The following TNN variants were observed in gnomAD, a reference collection of about 807,000 sequenced individuals.
TNN encodes the protein tenascin-N.
In TNN, 122 loss-of-function variants were observed where a neutral mutation model predicts 134.4. That is an observed-to-expected ratio of 0.91 (90% CI 0.78 to 1.06). TNN has a LOEUF of 1.06. TNN is among the 50% of genes least tolerant of loss of function. The pLI, the probability that TNN is intolerant of heterozygous loss-of-function variation, is 0.00. For synonymous variants in TNN, 710 were observed against 670.3 expected (o/e 1.06, Z -0.91); for missense variants, 1,739 against 1,699.4 (o/e 1.02, Z -0.41).
At chr1:175,075,546 A>T (rs2213852) in intron 1 of TNN, among the ~76,000 whole-genome samples, 87,743 of 152,166 alleles carry the variant, frequency 0.58, 26,617 homozygotes, top group African/African-American at 0.79. Flanking sequence ...TCCTCCTGCC[A>T]TGGCCTCCCA....
At chr1:175,068,414 A>T (rs976063763) in intron 1 of TNN, among the ~76,000 whole-genome samples, 1 of 152,196 alleles carries the variant, frequency 6.6e-6, no homozygotes, top group Non-Finnish European at 1.5e-5. Flanking sequence ...GGAAGCTATG[A>T]TAACTTTCCC....
At chr1:175,124,669 C>T (rs934812149) in intron 12 of TNN, among the ~76,000 whole-genome samples, 1 of 143,196 alleles carries the variant, frequency 7.0e-6, no homozygotes, top group Admixed American at 7.3e-5. Flanking sequence ...CAACAAAGAG[C>T]GAGACTCCAT....
At chr1:175,095,736 G>A (rs2149432178) in intron 7 of TNN, among the ~76,000 whole-genome samples, 1 of 152,278 alleles carries the variant, frequency 6.6e-6, no homozygotes, top group South Asian at 2.1e-4. Context: ...ACCACGCCCA[G>A]CTAATTTTTG....
chr1:175,113,357 C>T (rs1186696336), intron 9 of TNN, among the ~76,000 whole-genome samples: 2 of 152,100 alleles, frequency 1.3e-5, no homozygotes, highest in Admixed American at 6.5e-5. Flanking sequence ...TTTTTCCACC[C>T]CTTTCAGATC....
chr1:175,121,450 T>C (rs951962759), intron 11 of TNN, among the ~76,000 whole-genome samples: 14 of 152,226 alleles, frequency 9.2e-5, no homozygotes, highest in South Asian at 6.2e-4. Context: ...GCCAGGACCA[T>C]GTGGTACTTA....
intron 7 of TNN, among the ~76,000 whole-genome samples, chr1:175,096,310 G>A (rs917919790): frequency 3.3e-5 from 5 of 152,228 alleles, no homozygotes; most frequent in Admixed American, 6.5e-5. Flanking sequence ...ATCTCAAGGG[G>A]TTTTAATGGA....
At chr1:175,083,319 C>T (rs977778109) in intron 4 of TNN, among the ~76,000 whole-genome samples, 7 of 152,188 alleles carry the variant, frequency 4.6e-5, no homozygotes, top group Admixed American at 3.3e-4. Flanking sequence ...CTCCACTTTC[C>T]GTGGAAGTGC....
chr1:175,068,406 A>G (rs188706852), intron 1 of TNN, among the ~76,000 whole-genome samples: 3 of 152,264 alleles, frequency 2.0e-5, no homozygotes, highest in Admixed American at 1.3e-4. Flanking sequence ...TATGATTAGG[A>G]AGCTATGATA....
At chr1:175,136,682 G>C in intron 16 of TNN, 139 bp from the exon 17 acceptor site, 1 of 738,784 alleles carries the variant, frequency 1.4e-6, no homozygotes, top group South Asian at 1.9e-5. Flanking sequence ...AAAAGAGAAA[G>C]TGCTGAGACT....
intron 15 of TNN, among the ~76,000 whole-genome samples, chr1:175,132,473 A>AT (rs1675700090): frequency 6.6e-6 from 1 of 152,226 alleles, no homozygotes; most frequent in South Asian, 2.1e-4. Flanking sequence ...GAAATAGGGC[A>AT]TTTTTAAAAG....
In TNN at chr1:175,137,064, G is replaced by A. The variant is rs1675831131; in HGVS notation, c.3595+76G>A. 4.9e-6 allele frequency: 7 copies of A among 1,441,920 alleles called. No individual in the cohort carries two copies. In the Admixed American group the frequency reaches 1.3e-4, roughly 26 times the overall value. 89.3% of individuals were successfully genotyped at this position (1,441,920 alleles called of 1,614,324 possible). A position where few individuals can be genotyped will look rare whatever the true frequency, so the allele number is the denominator to read the frequency against. ...AAGGATTGGTTTGCCGTGTGCCACTGATCTGGGGGATGGAATATTATTCTG... is the reference window on the plus strand; with the variant it reads ...AAGGATTGGTTTGCCGTGTGCCACTAATCTGGGGGATGGAATATTATTCTG... On this transcript the variant is annotated intron_variant, in intron 17 of 18. Transcript: ENST00000239462.
chr1:175,142,768 C>T (rs1342724986), intron 17 of TNN, among the ~76,000 whole-genome samples: 2 of 152,134 alleles, frequency 1.3e-5, no homozygotes, highest in Non-Finnish European at 2.9e-5. Flanking sequence ...CAGGTGTGCA[C>T]CACCATGCCA....
In TNN at chr1:175,077,730, T is replaced by G; in HGVS notation, c.312T>G (p.Ser104Arg). Residue 104 changes from serine (S) to arginine (R), a missense_variant, in exon 2 of 19, where the codon AGT becomes AGG. By Grantham distance (110) the Ser-to-Arg change is moderately radical (BLOSUM62 -1). Transcript: ENST00000239462. ...AGAAGGACTGCGAGTTGGCAGGCAG[T>G]GTCCAGGACCTCCTGGCCCGGGTGA... ...TPQKDCELAG[S>R]VQDLLARVKK... 6.2e-7 allele frequency: 1 copy of G among 1,614,218 alleles called. No homozygotes were observed.
At chr1:175,116,095 A>T (rs1369424370) in intron 9 of TNN, among the ~76,000 whole-genome samples, 4 of 152,114 alleles carry the variant, frequency 2.6e-5, no homozygotes, top group African/African-American at 9.7e-5. Flanking sequence ...TTTTGTGCAG[A>T]AGATGAGTGT....
At chr1:175,114,770 T>G (rs12083779) in intron 9 of TNN, among the ~76,000 whole-genome samples, 35,081 of 151,926 alleles carry the variant, frequency 0.23, 4,350 homozygotes, top group African/African-American at 0.31. Flanking sequence ...TGAGACCAGG[T>G]TGCAGGATAT....
rs181438825 is a variant in TNN, at chr1:175,126,057, A to C, written c.2915-898A>C. Reference sequence around the variant, plus strand: ...ACTGGGTATGCATCTAAGGCCACACACTTCAATATGTAACAGTATGTAAGA... The same window carrying C: ...ACTGGGTATGCATCTAAGGCCACACCCTTCAATATGTAACAGTATGTAAGA... On this transcript the variant is annotated intron_variant, in intron 12 of 18. Coordinates refer to ENST00000239462, the MANE Select transcript of TNN (RefSeq NM_022093.2). Among the ~76,000 whole-genome samples the C allele has an allele frequency of 8.2e-5, 12 of 145,746 alleles. No individual in the cohort carries two copies. In the East Asian group the frequency reaches 2.0e-3, roughly 24 times the overall value.
At chr1:175,118,988 CAAAG>C (rs1675269709) in intron 11 of TNN, among the ~76,000 whole-genome samples, 164 bp downstream of exon 11, 1 of 152,136 alleles carries the variant, frequency 6.6e-6, no homozygotes, top group Non-Finnish European at 1.5e-5. Flanking sequence ...AAAAAACAAA[CAAAG>C]AAACAAAAAA....
intron 11 of TNN, 108 bp from the exon 12 acceptor site, chr1:175,123,292 C>A: frequency 7.6e-7 from 1 of 1,310,116 alleles, no homozygotes; most frequent in Non-Finnish European, 1.1e-6. Flanking sequence ...AAGTGGAATT[C>A]TACCATTATT....
At chr1:175,135,234 T>C (rs186583208) in intron 15 of TNN, among the ~76,000 whole-genome samples, 1 of 152,338 alleles carries the variant, frequency 6.6e-6, no homozygotes, top group East Asian at 1.9e-4. Context: ...TTTAATTTAG[T>C]AATTTTATTT....
Sources: gnomAD v4.1 joint callset for allele counts (sites outside exome capture counted in the v4.1 genomes callset) on GRCh38, gnomAD v4.1.1 for gene constraint, MANE v1.5 for transcripts, NCBI Gene and HGNC (gene_info 2026-07-23, HGNC 2026-07-21) for gene names.